PAH: variants seen among roughly 807,000 people sequenced by gnomAD.
PAH encodes phenylalanine hydroxylase.
A neutral mutation model predicts 62.0 loss-of-function variants in PAH; 64 were observed. The ratio of observed to expected loss-of-function variants is 1.03; its 90% CI spans 0.84 to 1.27. PAH has a LOEUF of 1.27. Among genes scored for constraint, PAH ranks in the 50% most tolerant of loss-of-function variants. The probability of loss-of-function intolerance (pLI) is 0.00; values close to 1 mark genes in which losing one functional copy is unlikely to be tolerated. For synonymous variants in PAH, 195 were observed against 196.2 expected, an observed-to-expected ratio of 0.99 and a Z score of 0.05; for missense variants, 579 against 542.8, an observed-to-expected ratio of 1.07 and a Z score of -0.66.
intron 1 of PAH, 41 bp downstream of exon 1, chr12:102,917,030 C>G: frequency 2.5e-6 from 4 of 1,596,264 alleles, no homozygotes; most frequent in Non-Finnish European, 3.4e-6. Flanking sequence ...TCTGGAGGCC[C>G]AAATTCCCCT....
At chr12:102,871,087 T>C (rs553875652) in intron 4 of PAH, among the ~76,000 whole-genome samples, 1 of 152,344 alleles carries the variant, frequency 6.6e-6, no homozygotes, top group South Asian at 2.1e-4. Flanking sequence ...CTGACTATTG[T>C]AGCTGCTGGG....
At chr12:102,903,873 C>T (rs1055216211) in intron 2 of PAH, among the ~76,000 whole-genome samples, 2 of 152,098 alleles carry the variant, frequency 1.3e-5, no homozygotes, top group Non-Finnish European at 2.9e-5. Context: ...GTAAGGTGAA[C>T]AGTGTACTTC....
At chr12:102,859,164 A>G (rs1043631747) in intron 5 of PAH, among the ~76,000 whole-genome samples, 4 of 152,244 alleles carry the variant, frequency 2.6e-5, no homozygotes, top group African/African-American at 9.6e-5. Context: ...TCCCACAGAA[A>G]TACAAACTAC....
intron 3 of PAH, among the ~76,000 whole-genome samples, chr12:102,882,067 A>G (rs907923039): frequency 6.6e-6 from 1 of 152,212 alleles, no homozygotes; most frequent in African/African-American, 2.4e-5. Flanking sequence ...GCCAACTGAC[A>G]TCCCCACCAG....
intron 4 of PAH, among the ~76,000 whole-genome samples, chr12:102,875,055 G>A (rs1170146250): frequency 1.3e-5 from 2 of 152,192 alleles, no homozygotes; most frequent in African/African-American, 4.8e-5. Context: ...TGGGCCCCGG[G>A]GTCTCTGGGA....
upstream of PAH, among the ~76,000 whole-genome samples, chr12:102,919,472 T>C (rs993511897): frequency 3.3e-5 from 5 of 152,334 alleles, no homozygotes; most frequent in East Asian, 7.7e-4. Flanking sequence ...TTCAGGTATT[T>C]TTAAATGTAT....
At chr12:102,917,490 G>A (rs1565875239), upstream of PAH, 5 of 349,678 alleles carry the variant, frequency 1.4e-5, no homozygotes, top group Admixed American at 7.9e-5. Flanking sequence ...GACAGGTTTA[G>A]GCACTTCCGG....
At chr12:102,872,775 T>C (rs1303288479) in intron 4 of PAH, among the ~76,000 whole-genome samples, 3 of 152,036 alleles carry the variant, frequency 2.0e-5, no homozygotes, top group Non-Finnish European at 2.9e-5. Context: ...TGAGACCAGC[T>C]TGGCCAACAT....
chr12:102,864,683 G>A (rs969291829), intron 5 of PAH, among the ~76,000 whole-genome samples: 6 of 151,862 alleles, frequency 4.0e-5, no homozygotes, highest in African/African-American at 1.5e-4. Flanking sequence ...CACCTCAGTA[G>A]AATCAAATTT....
At chr12:102,879,145 C>A (rs1360024560) in intron 3 of PAH, among the ~76,000 whole-genome samples, 2 of 152,078 alleles carry the variant, frequency 1.3e-5, no homozygotes, top group African/African-American at 4.8e-5. Flanking sequence ...GAATAAACAA[C>A]TGGGATACAC....
At chr12:102,855,661 G>T (rs897118799) in intron 5 of PAH, among the ~76,000 whole-genome samples, 6 of 152,190 alleles carry the variant, frequency 3.9e-5, no homozygotes, top group Admixed American at 3.9e-4. Flanking sequence ...TACCTGCACG[G>T]GCCAGTCAGG....
At position 102,837,261 on chromosome 12, in the gene PAH, C is replaced by G. The variant is rs2136629011; in HGVS notation, c.*1914G>C. On this transcript the variant is annotated 3_prime_UTR_variant, in exon 13 of 13. Transcript: ENST00000553106. ...TTATCTTTCATTCAGTATGTAACTT[C>G]CTGTGAAAATCATAACTTAACCGAA... is the stretch of plus-strand genomic sequence containing the variant. 6.6e-6 allele frequency: 1 copy of G among 152,248 alleles called. No homozygotes were observed. The highest frequency in any genetic ancestry group is 2.4e-5 in the African/African-American group (1 of 41,544). The allele number at this position is 152,248 out of a possible 1,614,324, so 9.4% of individuals were successfully genotyped here. A position where few individuals can be genotyped will look rare whatever the true frequency, so the allele number is the denominator to read the frequency against.
At position 102,912,044 on chromosome 12, in the gene PAH, T is replaced by G. The variant is rs999923963; in HGVS notation, c.168+747A>C. Among the ~76,000 whole-genome samples, 5 of 152,318 alleles carry G rather than the reference T, an allele frequency of 3.3e-5. No homozygotes were observed. In the East Asian group the frequency reaches 7.7e-4, roughly 24 times the overall value. Reference sequence around the variant, plus strand: ...CAAATCAACGTTTCCTAAACTCTGTTCCCAGATGTGAATACATGTTCTTAA... The same window carrying G: ...CAAATCAACGTTTCCTAAACTCTGTGCCCAGATGTGAATACATGTTCTTAA... On this transcript the variant is annotated intron_variant, in intron 2 of 12. Coordinates refer to ENST00000553106, the MANE Select transcript of PAH (RefSeq NM_000277.3).
intron 8 of PAH, among the ~76,000 whole-genome samples, chr12:102,850,445 T>C (rs928948753): frequency 2.6e-5 from 4 of 152,216 alleles, no homozygotes; most frequent in Non-Finnish European, 5.9e-5. Context: ...TGTTTATTTC[T>C]GCCAGCTGAG....
At chr12:102,877,974 C>T (rs554588356) in intron 3 of PAH, among the ~76,000 whole-genome samples, 43 of 152,172 alleles carry the variant, frequency 2.8e-4, no homozygotes, top group African/African-American at 7.9e-4. Context: ...TACAGGTGCA[C>T]GCCATCATGC....
At chr12:102,902,222 A>G (rs967363172) in intron 2 of PAH, among the ~76,000 whole-genome samples, 4 of 152,188 alleles carry the variant, frequency 2.6e-5, no homozygotes, top group African/African-American at 9.7e-5. Context: ...CAGACCAACA[A>G]GGAGACCGGT....
Position 102,839,229 on chromosome 12 carries a change from A to G in PAH, c.1316-11T>C. On this transcript the variant is annotated splice_polypyrimidine_tract_variant and intron_variant, in intron 12 of 12. Transcript: ENST00000553106. ...GGATTCCAATTTCACCTACAAAGAA[A>G]AACACCATCAAAATGGGCCACTTGT... 8.7e-6 allele frequency: 14 copies of G among 1,613,642 alleles called. No homozygotes were observed. The highest frequency in any genetic ancestry group is 1.2e-5 in the Non-Finnish European group (14 of 1,179,620).
intron 2 of PAH, among the ~76,000 whole-genome samples, chr12:102,895,865 A>ATATAT (rs1555208116): frequency 2.4e-4 from 31 of 129,498 alleles, no homozygotes; most frequent in African/African-American, 4.7e-4. Flanking sequence ...AAAAAAAAAA[A>ATATAT]AAAAATATAT....
intron 5 of PAH, among the ~76,000 whole-genome samples, chr12:102,864,281 G>A (rs1875852095): frequency 6.6e-6 from 1 of 152,140 alleles, no homozygotes; most frequent in South Asian, 2.1e-4. Context: ...GCTTCACTCT[G>A]GAGTCTTCCA....
Sources: allele counts gnomAD v4.1 joint callset (sites outside exome capture counted in the v4.1 genomes callset), GRCh38; gene constraint gnomAD v4.1.1; transcripts MANE v1.5; gene names NCBI Gene and HGNC (gene_info 2026-07-23, HGNC 2026-07-21).